The following PI4KA variants were observed in gnomAD, a reference collection of about 807,000 sequenced individuals.
The protein encoded by PI4KA is phosphatidylinositol 4-kinase alpha, also known as PI4-kinase alpha.
A neutral mutation model predicts 271.4 loss-of-function variants in PI4KA; 122 were observed. The observed-to-expected ratio is 0.45, with a 90% confidence interval of 0.39 to 0.52. PI4KA has a LOEUF of 0.52. Among genes scored for constraint, PI4KA ranks in the 20% least tolerant of loss-of-function variants. The probability of loss-of-function intolerance (pLI) is 0.00; values close to 1 mark genes in which losing one functional copy is unlikely to be tolerated. For missense variants in PI4KA, 1,969 were observed against 2,769.1 expected (o/e 0.71, Z 6.48); for synonymous variants, 1,041 against 1,078.8 (o/e 0.96, Z 0.69).
chr22:20,712,525 T>C lies in PI4KA; in HGVS notation c.5763A>G (p.Thr1921=). 2 of 1,603,136 alleles carry C rather than the reference T, an allele frequency of 1.2e-6. No homozygotes were observed. The highest frequency in any genetic ancestry group is 1.7e-6 in the Non-Finnish European group (2 of 1,176,004). ...GAGTGGACTCATCCCCGTACTGGCG[T>C]GTGAAGTAGTCGTACATGCCGAAGT... ...QTDFGMYDYF[T]RQYGDESTLA... is the part of the protein sequence containing the mutation. The change falls in exon 50 of 55, where the codon ACA becomes ACG. Residue 1921 remains threonine (T), a synonymous_variant. Coordinates refer to ENST00000255882, the MANE Select transcript of PI4KA (RefSeq NM_058004.4).
chr22:20,800,803 G>A (rs1430076002), intron 14 of PI4KA, among the ~76,000 whole-genome samples: 1 of 150,438 alleles, frequency 6.6e-6, no homozygotes, highest in Non-Finnish European at 1.5e-5. Flanking sequence ...GAACCCAGGA[G>A]GCGGAGCTTG....
Position 20,731,667 on chromosome 22 carries a change from C to T in PI4KA, c.4288+1304G>A, listed in dbSNP as rs532646409. 3.9e-5 allele frequency among the ~76,000 whole-genome samples: 6 copies of T among 152,326 alleles called. No individual in the cohort carries two copies. The East Asian group carries it at 5.8e-4, about 15-fold the overall frequency. ...AAAATTGGCCGGGCACGGTGGCTCA[C>T]GCCTGTAATCCTAGCACTTTGGGAG... On this transcript the variant is annotated intron_variant, in intron 36 of 54. Coordinates refer to ENST00000255882, the MANE Select transcript of PI4KA (RefSeq NM_058004.4).
chr22:20,715,911 GAT>G (rs1435651689), intron 45 of PI4KA, among the ~76,000 whole-genome samples: 3 of 152,114 alleles, frequency 2.0e-5, no homozygotes, highest in Admixed American at 1.3e-4. Context: ...GCTTTTTTGA[GAT>G]AGAGTCTCAC....
chr22:20,773,855 A>T (rs961830387), intron 19 of PI4KA: 1 of 152,206 alleles, frequency 6.6e-6, no homozygotes, highest in Non-Finnish European at 1.5e-5. Context: ...TGACCTCAAG[A>T]GGGGCTGCTC....
intron 30 of PI4KA, among the ~76,000 whole-genome samples, chr22:20,744,085 GA>G (rs775919297): frequency 5.9e-5 from 9 of 152,198 alleles, no homozygotes; most frequent in Non-Finnish European, 1.3e-4. Context: ...CAAACAAAAA[GA>G]AATGGTATAG....
intron 19 of PI4KA, chr22:20,784,267 T>C (rs757236345): frequency 7.4e-6 from 12 of 1,614,012 alleles, no homozygotes; most frequent in Non-Finnish European, 8.5e-6. Context: ...TGTGTGTTTG[T>C]TCTTTTGAGC....
chr22:20,717,728 G>A lies in PI4KA; in HGVS notation c.5297C>T (p.Ser1766Phe). The A allele has an allele frequency of 6.3e-7, 1 of 1,580,974 alleles. No individual in the cohort carries two copies. Among genetic ancestry groups the A allele is most frequent in the Non-Finnish European group, 8.6e-7 (1 of 1,161,736 alleles). ...CTCACCCGGCTGCACCTTCACTTCAGACAGGGCCGACAGACAAGCCTTCTT... is the reference window on the plus strand; with the variant it reads ...CTCACCCGGCTGCACCTTCACTTCAAACAGGGCCGACAGACAAGCCTTCTT... ...ERKKACLSAL[S>F]EVKVQPGCYL... Residue 1766 changes from serine (S) to phenylalanine (F), a missense_variant, in exon 45 of 55, where the codon TCT (serine) becomes TTT (phenylalanine). Around this residue, in one of 13 missense-constraint regions of PI4KA, gnomAD observed 388 missense variants for 521.5 expected, o/e 0.74. Coordinates refer to ENST00000255882, the MANE Select transcript of PI4KA (RefSeq NM_058004.4).
At chr22:20,782,461 T>C (rs1314496909) in intron 19 of PI4KA, among the ~76,000 whole-genome samples, 1 of 152,224 alleles carries the variant, frequency 6.6e-6, no homozygotes, top group Non-Finnish European at 1.5e-5. Context: ...TGTCTAGAAG[T>C]GTAATTTTAA....
intron 19 of PI4KA, chr22:20,779,078 G>C: frequency 9.5e-7 from 1 of 1,055,106 alleles, no homozygotes; most frequent in Non-Finnish European, 1.3e-6. Context: ...TCATCAAGGG[G>C]CCCACAGATC....
chr22:20,849,661 C>A (rs181780491), intron 1 of PI4KA, among the ~76,000 whole-genome samples: 1 of 151,828 alleles, frequency 6.6e-6, no homozygotes, highest in Non-Finnish European at 1.5e-5. Context: ...CAAGACCATC[C>A]GGCTAACACG....
chr22:20,734,855 G>A (rs1928525199), intron 32 of PI4KA, among the ~76,000 whole-genome samples: 1 of 152,132 alleles, frequency 6.6e-6, no homozygotes, highest in Admixed American at 6.5e-5. Flanking sequence ...CAGGCACTGG[G>A]TAGGTGACTC....
rs748136515 is a variant in PI4KA at position 20,799,783 on chromosome 22, C to T, written c.1725-17G>A. 1 of 1,506,366 alleles carries T rather than the reference C, an allele frequency of 6.6e-7. No individual in the cohort carries two copies. The highest frequency in any genetic ancestry group is 9.0e-7 in the Non-Finnish European group (1 of 1,107,752). 93.3% of individuals were successfully genotyped at this position (1,506,366 alleles called of 1,614,324 possible). A position where few individuals can be genotyped will look rare whatever the true frequency, so the allele number is the denominator to read the frequency against. On this transcript the variant is annotated splice_polypyrimidine_tract_variant and intron_variant, in intron 14 of 54. Transcript: ENST00000255882. ...TTCAGGCACCTGAGGAGCAAGAAAA[C>T]CCATGTGGCACTGAGGCATCAAACC... is the stretch of plus-strand genomic sequence containing the variant.
At chr22:20,782,367 A>G (rs765230553) in intron 19 of PI4KA, among the ~76,000 whole-genome samples, 1 of 152,222 alleles carries the variant, frequency 6.6e-6, no homozygotes, top group Non-Finnish European at 1.5e-5. Flanking sequence ...CCATCATGAG[A>G]ATAGTCACTC....
chr22:20,725,424 G>A (rs1446748609), intron 42 of PI4KA: 1 of 329,748 alleles, frequency 3.0e-6, no homozygotes, highest in South Asian at 2.4e-5. Flanking sequence ...ATATGTTACA[G>A]GACCTCAGAA....
At chr22:20,751,075 G>A (rs548846118) in intron 27 of PI4KA, among the ~76,000 whole-genome samples, 7 of 152,024 alleles carry the variant, frequency 4.6e-5, no homozygotes, top group African/African-American at 1.7e-4. Flanking sequence ...GGGGGAGCTG[G>A]GCTTGGAAGA....
chr22:20,826,509 C>T (rs1923442900), intron 3 of PI4KA, among the ~76,000 whole-genome samples: 1 of 152,144 alleles, frequency 6.6e-6, no homozygotes, highest in Non-Finnish European at 1.5e-5. Context: ...CTGTAATAAA[C>T]ATACTTACGC....
At chr22:20,714,013 G>A (rs1568945706) in intron 47 of PI4KA, among the ~76,000 whole-genome samples, 1 of 152,202 alleles carries the variant, frequency 6.6e-6, no homozygotes, top group Non-Finnish European at 1.5e-5. Context: ...GGCGGAGATG[G>A]GAGTGGAGCA....
intron 6 of PI4KA, 118 bp downstream of exon 6, chr22:20,819,523 T>C: frequency 6.4e-6 from 6 of 935,460 alleles, no homozygotes; most frequent in Non-Finnish European, 9.8e-6. Flanking sequence ...AAGAGAATTC[T>C]AGTGAAACAT....
intron 1 of PI4KA, among the ~76,000 whole-genome samples, chr22:20,855,150 CA>C (rs361996): frequency 0.59 from 71,944 of 121,418 alleles, 19,381 homozygotes; most frequent in African/African-American, 0.76. Flanking sequence ...GAAACTGTCT[CA>C]AAAAAAAAAA....
Sources: allele counts gnomAD v4.1 joint callset (sites outside exome capture counted in the v4.1 genomes callset), GRCh38; gene constraint gnomAD v4.1.1; regional missense constraint gnomAD v4.1.1; transcripts MANE v1.5; gene names NCBI Gene and HGNC (gene_info 2026-07-23, HGNC 2026-07-21).